The following KTN1 variants were observed in gnomAD, a reference collection of about 807,000 sequenced individuals.
The protein encoded by KTN1 is kinectin 1.
In KTN1, 130 loss-of-function variants were observed where a neutral mutation model predicts 222.5. The observed-to-expected ratio is 0.58, with a 90% confidence interval of 0.51 to 0.68. The LOEUF (loss-of-function observed/expected upper bound fraction) is 0.68, where lower values mean the gene tolerates loss of function less well. Among genes scored for constraint, KTN1 ranks in the 30% least tolerant of loss-of-function variants. KTN1 has a pLI of 0.00. For synonymous variants in KTN1, 512 were observed against 496.3 expected (o/e 1.03, Z -0.42); for missense variants, 1,508 against 1,500.4 (o/e 1.01, Z -0.08).
chr14:55,631,354 A>ATATATATATATG (rs1210358391), intron 7 of KTN1, among the ~76,000 whole-genome samples: 2 of 141,962 alleles, frequency 1.4e-5, no homozygotes, highest in East Asian at 4.1e-4. Flanking sequence ...ATATATATAT[A>ATATATATATATG]TATATATATA....
At position 55,612,372 on chromosome 14, in the gene KTN1, A is replaced by C. The variant is rs746886793; in HGVS notation, c.324A>C (p.Ser108=). The change falls in exon 2 of 44, where the codon TCA becomes TCC. Residue 108 remains serine (S), a synonymous_variant. Coordinates refer to ENST00000395314, the MANE Select transcript of KTN1 (RefSeq NM_001079521.2). ...TTCCATTGAATGTCGTTGAAACTTC[A>C]AGTAGTGTTAGGGAAAGAAAAAAGA... is the stretch of plus-strand genomic sequence containing the variant. ...APVPLNVVET[S]SSVRERKKKE... is the part of the protein sequence containing the mutation. 1.2e-6 allele frequency: 2 copies of C among 1,614,038 alleles called. No homozygotes were observed. Among genetic ancestry groups the C allele is most frequent in the East Asian group, 4.5e-5 (2 of 44,892 alleles).
At chr14:55,634,483 AT>A in intron 8 of KTN1, 42 bp from the exon 9 acceptor site, 1 of 1,533,824 alleles carries the variant, frequency 6.5e-7, no homozygotes, top group Non-Finnish European at 8.8e-7. Context: ...TCTTATATAT[AT>A]TTGTAATAAC....
chr14:55,635,691 A>C lies in KTN1; in HGVS notation c.1462-758A>C, dbSNP rs115315080. On this transcript the variant is annotated intron_variant, in intron 9 of 43. Transcript: ENST00000395314. ...AATAGAATGATGAGTATAATTCTCT[A>C]TTCCTGCTTTTATTGAAGAGGAAAT... Among the ~76,000 whole-genome samples, 688 of 152,316 alleles carry C rather than the reference A, an allele frequency of 4.5e-3. 4 individuals carry two copies. Among genetic ancestry groups the C allele is most frequent in the African/African-American group, 0.016 (646 of 41,564 alleles).
chr14:55,630,999 C>T (rs1370629115), intron 7 of KTN1, among the ~76,000 whole-genome samples: 1 of 152,106 alleles, frequency 6.6e-6, no homozygotes, highest in African/African-American at 2.4e-5. Flanking sequence ...GTTGTTGCTT[C>T]CTACCCTTTC....
At position 55,624,345 on chromosome 14, in the gene KTN1, T is replaced by G. The variant is rs187160304; in HGVS notation, c.964-3567T>G. Among the ~76,000 whole-genome samples the G allele has an allele frequency of 1.6e-3, 241 of 152,304 alleles. 2 individuals are homozygous for G. The highest frequency in any genetic ancestry group is 5.6e-3 in the African/African-American group (231 of 41,568). On this transcript the variant is annotated intron_variant, in intron 5 of 43. Coordinates refer to ENST00000395314, the MANE Select transcript of KTN1 (RefSeq NM_001079521.2). ...TACAGGGCACTGGCATAGGATAGGA[T>G]TTTTTGAGCAGTTGTATGTAGTGGC... is the stretch of plus-strand genomic sequence containing the variant.
chr14:55,651,998 T>G, intron 25 of KTN1, 71 bp downstream of exon 25: 1 of 955,360 alleles, frequency 1.0e-6, no homozygotes, highest in Non-Finnish European at 1.6e-6. Context: ...TAATGAAAAT[T>G]ATAGCTTCTT....
At chr14:55,630,895 A>G (rs971252464) in intron 7 of KTN1, among the ~76,000 whole-genome samples, 1 of 152,184 alleles carries the variant, frequency 6.6e-6, no homozygotes, top group Admixed American at 6.5e-5. Context: ...TTGAGTATAC[A>G]AAGAGTTAGT....
chr14:55,647,042 G>T (rs777890013), intron 19 of KTN1, 35 bp downstream of exon 19: 1 of 1,278,088 alleles, frequency 7.8e-7, no homozygotes, highest in South Asian at 1.2e-5. Context: ...ATTTTGATGA[G>T]TTACTTCTAC....
chr14:55,655,943 G>A (rs1595147101), intron 28 of KTN1, 99 bp from the exon 29 acceptor site: 3 of 623,306 alleles, frequency 4.8e-6, no homozygotes, highest in East Asian at 5.8e-5. Context: ...AAGCTGGTAT[G>A]TATTGTTTCT....
chr14:55,653,430 C>A, intron 27 of KTN1, 129 bp from the exon 28 acceptor site: 4 of 649,792 alleles, frequency 6.2e-6, no homozygotes, highest in South Asian at 4.7e-5. Flanking sequence ...TATAAATGAC[C>A]CAATCTTAAA....
chr14:55,582,347 A>G (rs975934323), intron 1 of KTN1, among the ~76,000 whole-genome samples: 3 of 152,092 alleles, frequency 2.0e-5, no homozygotes, highest in Admixed American at 6.6e-5. Context: ...TGCTTTTGGT[A>G]GGGAGATCGT....
intron 24 of KTN1, 46 bp downstream of exon 24, chr14:55,650,683 A>G (rs915979896): frequency 7.2e-7 from 1 of 1,379,958 alleles, no homozygotes; most frequent in Non-Finnish European, 1.0e-6. Context: ...TAGTTGTGTT[A>G]TTTATGAGCT....
intron 1 of KTN1, among the ~76,000 whole-genome samples, chr14:55,604,762 A>G (rs1229415369): frequency 6.6e-6 from 1 of 151,972 alleles, no homozygotes; most frequent in South Asian, 2.1e-4. Flanking sequence ...AGTTGAAATT[A>G]CATATTCATA....
chr14:55,655,628 T>C (rs1395813295), intron 28 of KTN1, among the ~76,000 whole-genome samples: 4 of 152,276 alleles, frequency 2.6e-5, no homozygotes, highest in East Asian at 1.9e-4. Context: ...TACGTCAGCA[T>C]TGGGTAAGGG....
Position 55,619,135 on chromosome 14 carries a change from G to GT in KTN1, c.833-41dup, listed in dbSNP as rs778853505. Reference sequence around the variant, plus strand: ...TACCTTTGCTGAAGTTATTATTTGTGTTTTTTAAATGCCAACTCTTTGTTT... The same window carrying GT: ...TACCTTTGCTGAAGTTATTATTTGTGTTTTTTTAAATGCCAACTCTTTGTTT... On this transcript the variant is annotated intron_variant, in intron 4 of 43. Coordinates refer to ENST00000395314, the MANE Select transcript of KTN1 (RefSeq NM_001079521.2). 46 of 1,507,610 alleles carry GT rather than the reference G, an allele frequency of 3.1e-5. No individual in the cohort carries two copies. In the East Asian group the frequency reaches 5.9e-4, roughly 19 times the overall value. The allele number at this position is 1,507,610 out of a possible 1,614,324, so 93.4% of individuals were successfully genotyped here. A position where few individuals can be genotyped will look rare whatever the true frequency, so the allele number is the denominator to read the frequency against.
intron 1 of KTN1, among the ~76,000 whole-genome samples, chr14:55,589,941 G>A (rs1409504193): frequency 6.6e-6 from 1 of 152,034 alleles, no homozygotes; most frequent in African/African-American, 2.4e-5. Context: ...ACAGGTGTGA[G>A]CCACTGCACC....
intron 1 of KTN1, among the ~76,000 whole-genome samples, chr14:55,607,091 G>A (rs867391177): frequency 1.3e-5 from 2 of 151,916 alleles, no homozygotes; most frequent in Admixed American, 6.6e-5. Context: ...AATAATTGCC[G>A]CCAGATTTTT....
chr14:55,672,467 G>A (rs370007234), intron 37 of KTN1, 163 bp from the exon 38 acceptor site: 3 of 537,232 alleles, frequency 5.6e-6, no homozygotes, highest in East Asian at 6.2e-5. Context: ...TTTAAATCAA[G>A]TTCAATGTGA....
At chr14:55,586,279 T>G (rs2032973167) in intron 1 of KTN1, among the ~76,000 whole-genome samples, 1 of 152,194 alleles carries the variant, frequency 6.6e-6, no homozygotes. Context: ...TCAGTACCAC[T>G]TACTGCATGT....
Sources: allele counts gnomAD v4.1 joint callset (sites outside exome capture counted in the v4.1 genomes callset), GRCh38; gene constraint gnomAD v4.1.1; transcripts MANE v1.5; gene names NCBI Gene and HGNC (gene_info 2026-07-23, HGNC 2026-07-21).